Variants in IQCE observed in about 807,000 individuals in gnomAD.
IQCE encodes the protein IQ domain-containing protein E.
IQCE carries 115 observed loss-of-function variants against 96.0 expected under a neutral mutation model. The observed-to-expected ratio is 1.20, with a 90% confidence interval of 1.03 to 1.40. The LOEUF (loss-of-function observed/expected upper bound fraction) is 1.40, where lower values mean the gene tolerates loss of function less well. IQCE is among the 40% of genes most tolerant of loss of function. IQCE has a pLI of 0.00. For synonymous variants in IQCE, 412 were observed against 371.2 expected, an observed-to-expected ratio of 1.11 and a Z score of -1.26; for missense variants, 1,041 against 909.1, an observed-to-expected ratio of 1.15 and a Z score of -1.87.
intron 6 of IQCE, 99 bp from the exon 7 acceptor site, chr7:2,578,143 G>A (rs1441289970): frequency 2.3e-6 from 2 of 866,930 alleles, no homozygotes; most frequent in East Asian, 2.5e-5. Flanking sequence ...TGTGCGGCGT[G>A]CCCGCATTGG....
chr7:2,592,684 C>G (rs1443912971), intron 14 of IQCE, among the ~76,000 whole-genome samples: 2 of 152,228 alleles, frequency 1.3e-5, no homozygotes, highest in African/African-American at 2.4e-5. Flanking sequence ...TCACGGACCC[C>G]GCGCCTGCCT....
chr7:2,563,720 C>G (rs1781145696), intron 1 of IQCE, among the ~76,000 whole-genome samples: 1 of 151,348 alleles, frequency 6.6e-6, no homozygotes, highest in Admixed American at 6.6e-5. Context: ...CAGTGAAACC[C>G]CGTCTCTACT....
intron 21 of IQCE, among the ~76,000 whole-genome samples, chr7:2,609,393 A>C (rs1265021823): frequency 7.4e-6 from 1 of 135,638 alleles, no homozygotes; most frequent in African/African-American, 2.9e-5. Context: ...CCACCCTCCC[A>C]CCTCGGCCTC....
chr7:2,602,043 C>T (rs1784470391), intron 18 of IQCE: 2 of 157,350 alleles, frequency 1.3e-5, no homozygotes, highest in African/African-American at 4.8e-5. Flanking sequence ...CTCAGAGGCC[C>T]TGGGACGCAA....
intron 1 of IQCE, among the ~76,000 whole-genome samples, chr7:2,559,765 T>TGGGGGGG (rs59372092): frequency 2.0e-4 from 7 of 34,858 alleles, no homozygotes; most frequent in Admixed American, 4.9e-4. Context: ...TGCATTCCAG[T>TGGGGGGG]GGGGGGGGGG....
At chr7:2,579,184 C>T (rs887613200) in intron 8 of IQCE, among the ~76,000 whole-genome samples, 4 of 152,030 alleles carry the variant, frequency 2.6e-5, no homozygotes, top group Non-Finnish European at 2.9e-5. Context: ...GAAGATGTTG[C>T]GGTTCGGTGG....
chr7:2,572,762 TC>T (rs1341543460), intron 5 of IQCE: 1 of 456,082 alleles, frequency 2.2e-6, no homozygotes, highest in African/African-American at 2.0e-5. Context: ...CAGGCTGGTC[TC>T]AAATTCCTGG....
intron 6 of IQCE, among the ~76,000 whole-genome samples, chr7:2,575,678 C>G (rs778127084): frequency 2.6e-5 from 4 of 152,196 alleles, no homozygotes; most frequent in Non-Finnish European, 4.4e-5. Context: ...CGGTTTCTGC[C>G]TTGTCGGTCT....
At chr7:2,583,459 C>G (rs556623881) in intron 9 of IQCE, among the ~76,000 whole-genome samples, 178 bp from the exon 10 acceptor site, 1 of 152,004 alleles carries the variant, frequency 6.6e-6, no homozygotes, top group Non-Finnish European at 1.5e-5. Context: ...CCATCAGGCT[C>G]GAAACGAGTC....
At position 2,606,692 on chromosome 7, in the gene IQCE, T is replaced by C. The variant is rs552418092; in HGVS notation, c.1866-432T>C. On this transcript the variant is annotated intron_variant, in intron 20 of 21. Coordinates refer to ENST00000402050, the MANE Select transcript of IQCE (RefSeq NM_152558.5). ...AGGCCGCATCTGCATCTCATGGTCC[T>C]GACCCCATGTGACCTGGGACACACT... Among the ~76,000 whole-genome samples the C allele has an allele frequency of 7.9e-5, 12 of 152,310 alleles. No individual in the cohort carries two copies. The East Asian group carries it at 2.3e-3, about 29-fold the overall frequency.
chr7:2,585,520 A>G (rs138922249), intron 11 of IQCE, among the ~76,000 whole-genome samples: 4 of 152,388 alleles, frequency 2.6e-5, no homozygotes, highest in Admixed American at 6.5e-5. Context: ...TCCTGAGCTT[A>G]GAGGCACTGG....
chr7:2,590,418 A>G (rs4721847), intron 14 of IQCE, among the ~76,000 whole-genome samples: 38,817 of 84,534 alleles, frequency 0.46, 10,602 homozygotes, highest in South Asian at 0.53. Context: ...ATATTTTTAT[A>G]TGATTCTAAA....
intron 8 of IQCE, among the ~76,000 whole-genome samples, chr7:2,579,871 C>T (rs1215995548): frequency 2.0e-5 from 3 of 149,370 alleles, no homozygotes; most frequent in Non-Finnish European, 3.0e-5. Flanking sequence ...CCCACCTCAA[C>T]CTCCTGAGTA....
intron 17 of IQCE, 42 bp from the exon 18 acceptor site, chr7:2,601,399 C>T (rs200389026): frequency 2.3e-5 from 30 of 1,312,948 alleles, no homozygotes; most frequent in Admixed American, 1.5e-4. Context: ...TCATCCTTCT[C>T]GTGTTAATTC....
intron 9 of IQCE, 78 bp downstream of exon 9, chr7:2,582,728 C>T: frequency 2.3e-6 from 3 of 1,282,840 alleles, no homozygotes; most frequent in Admixed American, 1.9e-5. Flanking sequence ...TTGTTCCTCC[C>T]CCACCCCGTC....
chr7:2,606,989 G>A, intron 20 of IQCE, 135 bp from the exon 21 acceptor site: 1 of 766,970 alleles, frequency 1.3e-6, no homozygotes, highest in Non-Finnish European at 2.0e-6. Flanking sequence ...GCTGGTCGTG[G>A]GGCTCGGGAC....
At chr7:2,559,328 CG>C (rs1433204712) in intron 1 of IQCE, 111 bp downstream of exon 1, 5 of 495,424 alleles carry the variant, frequency 1.0e-5, no homozygotes, top group Non-Finnish European at 1.5e-5. Context: ...GGCGTGAGGA[CG>C]GGGCGCACGG....
intron 14 of IQCE, 114 bp from the exon 15 acceptor site, chr7:2,592,908 C>A (rs540192772): frequency 1.4e-5 from 16 of 1,141,972 alleles, no homozygotes; most frequent in Non-Finnish European, 2.0e-5. Context: ...TCCTGCCCCA[C>A]CATCCACTGT....
Position 2,589,265 on chromosome 7 carries a change from G to A in IQCE, c.1045-642G>A, listed in dbSNP as rs189407684. ...CACCTGTATTCCCAGCTACTTGGGA[G>A]GCTGAGGCAGGAGGAACGCTTGAGC... is the stretch of plus-strand genomic sequence containing the variant. On this transcript the variant is annotated intron_variant, in intron 13 of 21. Transcript: ENST00000402050. Among the ~76,000 whole-genome samples the A allele has an allele frequency of 1.2e-3, 180 of 152,220 alleles. 1 individual carries two copies. Among genetic ancestry groups the A allele is most frequent in the Non-Finnish European group, 2.1e-3 (144 of 68,012 alleles).
Sources: allele counts gnomAD v4.1 joint callset (sites outside exome capture counted in the v4.1 genomes callset), GRCh38; gene constraint gnomAD v4.1.1; transcripts MANE v1.5; gene names NCBI Gene and HGNC (gene_info 2026-07-23, HGNC 2026-07-21).